CAMTA1: variants seen among roughly 807,000 people sequenced by gnomAD.
CAMTA1 encodes the protein calmodulin-binding transcription activator 1.
Under a neutral mutation model 170.9 loss-of-function variants are expected in CAMTA1, and 27 were observed. That is an observed-to-expected ratio of 0.16 (90% CI 0.12 to 0.22). The LOEUF is 0.22. Ranked by LOEUF, CAMTA1 falls within the 10% of genes least tolerant of loss-of-function variation. The pLI is 1.00. For synonymous variants in CAMTA1, 833 were observed against 891.5 expected, an observed-to-expected ratio of 0.93 and a Z score of 1.17; for missense variants, 1,619 against 2,217.2, an observed-to-expected ratio of 0.73 and a Z score of 5.42.
intron 4 of CAMTA1, among the ~76,000 whole-genome samples, chr1:7,215,643 C>G (rs1659622241): frequency 6.6e-6 from 1 of 152,246 alleles, no homozygotes; most frequent in South Asian, 2.1e-4. Context: ...ATCCTCCCAC[C>G]TTGGCCCCCC....
At chr1:7,336,811 A>G (rs1010903477) in intron 5 of CAMTA1, among the ~76,000 whole-genome samples, 8 of 152,088 alleles carry the variant, frequency 5.3e-5, no homozygotes, top group African/African-American at 1.9e-4. Context: ...TCCTTCACAG[A>G]GCTCTCTCGG....
At chr1:7,117,821 ACT>A (rs1048769011) in intron 4 of CAMTA1, among the ~76,000 whole-genome samples, 2 of 151,676 alleles carry the variant, frequency 1.3e-5, no homozygotes, top group African/African-American at 4.8e-5. Context: ...GGGATGGCGG[ACT>A]CTCTCGCTTC....
At chr1:7,026,674 AG>A (rs1423609407) in intron 3 of CAMTA1, among the ~76,000 whole-genome samples, 5 of 129,718 alleles carry the variant, frequency 3.9e-5, no homozygotes, top group Middle Eastern at 4.4e-3. Context: ...ATCTTTCACC[AG>A]GCTGGAGTGC....
At chr1:7,108,423 C>T (rs1253259100) in intron 4 of CAMTA1, among the ~76,000 whole-genome samples, 1 of 152,104 alleles carries the variant, frequency 6.6e-6, no homozygotes, top group Non-Finnish European at 1.5e-5. Context: ...AACCGCAGAC[C>T]CAGATGGCCC....
chr1:7,635,346 G>A lies in CAMTA1; in HGVS notation c.511-5054G>A, dbSNP rs1467797996. Among the ~76,000 whole-genome samples, 3 of 152,102 alleles carry A rather than the reference G, an allele frequency of 2.0e-5. No homozygotes were observed. Among genetic ancestry groups the A allele is most frequent in the Admixed American group, 6.5e-5 (1 of 15,274 alleles). ...ATCCGGGCCGGGCGTGGTGGCTCACGCCTGTAATCCCAGCACTTTGGAAGG... is the reference window on the plus strand; with the variant it reads ...ATCCGGGCCGGGCGTGGTGGCTCACACCTGTAATCCCAGCACTTTGGAAGG... On this transcript the variant is annotated intron_variant, in intron 6 of 22. Coordinates refer to ENST00000303635, the MANE Select transcript of CAMTA1 (RefSeq NM_015215.4). This position sits in a 1 kb window ranked among gnomAD's most constrained non-coding sequence, Gnocchi z 4.4.
chr1:7,636,854 G>A (rs1318761609), intron 6 of CAMTA1, among the ~76,000 whole-genome samples: 1 of 152,180 alleles, frequency 6.6e-6, no homozygotes, highest in Admixed American at 6.5e-5. Context: ...AATAAGCACC[G>A]GTGATTGTTG....
At chr1:7,233,248 C>T (rs937341740) in intron 4 of CAMTA1, among the ~76,000 whole-genome samples, 4 of 152,188 alleles carry the variant, frequency 2.6e-5, no homozygotes, top group African/African-American at 7.2e-5. Flanking sequence ...TGAGGGGCCA[C>T]GGAAGCACCA....
chr1:7,622,667 T>C (rs1315042733), intron 6 of CAMTA1, among the ~76,000 whole-genome samples: 1 of 152,068 alleles, frequency 6.6e-6, no homozygotes, highest in Non-Finnish European at 1.5e-5. Context: ...AATGCTGAGG[T>C]TTTTCTTCTG....
chr1:6,787,593 A>C (rs1210920093), intron 1 of CAMTA1, among the ~76,000 whole-genome samples: 1 of 152,224 alleles, frequency 6.6e-6, no homozygotes, highest in East Asian at 1.9e-4. Context: ...TTTATGTGTA[A>C]TGATACAGAT....
intron 5 of CAMTA1, among the ~76,000 whole-genome samples, chr1:7,271,134 T>C (rs1469984522): frequency 6.6e-6 from 1 of 152,138 alleles, no homozygotes; most frequent in Non-Finnish European, 1.5e-5. Context: ...TAATTATGGT[T>C]AAATGAGGTC....
chr1:7,607,042 A>C (rs1203991016), intron 6 of CAMTA1, among the ~76,000 whole-genome samples: 1 of 152,238 alleles, frequency 6.6e-6, no homozygotes, highest in African/African-American at 2.4e-5. Flanking sequence ...TGCTCAATAC[A>C]TGTTAAATAG....
At chr1:7,205,490 A>T (rs527279298) in intron 4 of CAMTA1, among the ~76,000 whole-genome samples, 29 of 152,182 alleles carry the variant, frequency 1.9e-4, no homozygotes, top group African/African-American at 6.0e-4. Flanking sequence ...TACTAGGTGC[A>T]TTGTGTTTAT....
rs1217498173 is a variant in CAMTA1 at position 7,093,630 on chromosome 1, C to T, written c.302+2259C>T. 6.6e-6 allele frequency among the ~76,000 whole-genome samples: 1 copy of T among 152,160 alleles called. No individual in the cohort carries two copies. The highest frequency in any genetic ancestry group is 1.5e-5 in the Non-Finnish European group (1 of 68,024). On this transcript the variant is annotated intron_variant, in intron 4 of 22. Transcript: ENST00000303635. The surrounding 1 kb of genome is among the most constrained non-coding windows in gnomAD (Gnocchi z 4.6). Reference sequence around the variant, plus strand: ...AAGGCAGCGGTTTTACCTCGAGTTTCAGCCTTTGGAATTTGGGTTACAATT... The same window carrying T: ...AAGGCAGCGGTTTTACCTCGAGTTTTAGCCTTTGGAATTTGGGTTACAATT...
intron 6 of CAMTA1, among the ~76,000 whole-genome samples, chr1:7,548,650 G>A (rs1027423343): frequency 6.8e-6 from 1 of 146,854 alleles, no homozygotes; most frequent in Non-Finnish European, 1.5e-5. Context: ...TGCTGGTGGA[G>A]GGTGCCCCCT....
In CAMTA1 at chr1:7,640,572, C is replaced by T; in HGVS notation, c.664+19C>T. 1 of 1,613,928 alleles carries T rather than the reference C, an allele frequency of 6.2e-7. No individual in the cohort carries two copies. Among genetic ancestry groups the T allele is most frequent in the South Asian group, 1.1e-5 (1 of 91,078 alleles). On this transcript the variant is annotated intron_variant, in intron 7 of 22. Transcript: ENST00000303635. ...CCCATGTGTGAGTGGCCTTGGCCGG[C>T]CTGGCGCCCCCACGCTGGGAACCAG...
At chr1:7,298,396 G>T (rs771143250) in intron 5 of CAMTA1, among the ~76,000 whole-genome samples, 29 of 152,160 alleles carry the variant, frequency 1.9e-4, no homozygotes, top group Non-Finnish European at 4.0e-4. Flanking sequence ...GGGGTCCCCA[G>T]GAATGTATTT....
chr1:7,559,345 C>T (rs976028097), intron 6 of CAMTA1, among the ~76,000 whole-genome samples: 3 of 152,196 alleles, frequency 2.0e-5, no homozygotes, highest in African/African-American at 4.8e-5. Flanking sequence ...CTCAAGCTGA[C>T]CCTCCTGCCT....
At chr1:7,608,115 A>T (rs534560583) in intron 6 of CAMTA1, among the ~76,000 whole-genome samples, 1 of 152,290 alleles carries the variant, frequency 6.6e-6, no homozygotes, top group South Asian at 2.1e-4. Flanking sequence ...CTGCTAGTGC[A>T]GCTGCTGACC....
chr1:7,371,012 C>T (rs1429094871), intron 5 of CAMTA1, among the ~76,000 whole-genome samples: 4 of 146,854 alleles, frequency 2.7e-5, no homozygotes, highest in African/African-American at 1.0e-4. Flanking sequence ...CCCAGGTTCA[C>T]ACCATTCTCC....
Sources: allele counts gnomAD v4.1 joint callset (sites outside exome capture counted in the v4.1 genomes callset), GRCh38; gene constraint gnomAD v4.1.1; non-coding constraint Gnocchi (gnomAD v3.1); transcripts MANE v1.5; gene names NCBI Gene and HGNC (gene_info 2026-07-23, HGNC 2026-07-21).